Variants in PAK1 observed in about 807,000 individuals in gnomAD.
PAK1 encodes serine/threonine-protein kinase PAK 1.
PAK1 carries 29 observed loss-of-function variants against 67.4 expected under a neutral mutation model. The observed-to-expected ratio is 0.43, with a 90% CI of 0.32 to 0.59. PAK1 has a LOEUF of 0.59. PAK1 is among the 20% of genes least tolerant of loss of function. The probability of loss-of-function intolerance (pLI) is 0.07; values close to 1 mark genes in which losing one functional copy is unlikely to be tolerated. For missense variants in PAK1, 337 were observed against 670.7 expected, an observed-to-expected ratio of 0.50 and a Z score of 5.50; for synonymous variants, 223 against 237.4, an observed-to-expected ratio of 0.94 and a Z score of 0.56.
intron 1 of PAK1, among the ~76,000 whole-genome samples, chr11:77,392,810 T>C (rs888242971): frequency 2.6e-5 from 4 of 152,216 alleles, no homozygotes; most frequent in Non-Finnish European, 5.9e-5. Flanking sequence ...TATGATGTAG[T>C]TGAAAGCAGA....
At chr11:77,342,873 C>T (rs1463697650) in intron 10 of PAK1, among the ~76,000 whole-genome samples, 3 of 113,990 alleles carry the variant, frequency 2.6e-5, no homozygotes, top group Non-Finnish European at 5.2e-5. Context: ...GAACCCTGGG[C>T]AAGAAGCTTA....
At chr11:77,440,063 G>T (rs1956287910) in intron 1 of PAK1, among the ~76,000 whole-genome samples, 3 of 152,194 alleles carry the variant, frequency 2.0e-5, no homozygotes, top group East Asian at 1.9e-4. Flanking sequence ...CACAGGTAAC[G>T]TTGGACCATT....
chr11:77,522,072 G>C, the PAK1 span, among the ~76,000 whole-genome samples: 1 of 152,104 alleles, frequency 6.6e-6, no homozygotes, highest in Admixed American at 6.6e-5. Flanking sequence ...TCTTATACTT[G>C]GTCAGATTAT....
chr11:77,456,537 A>C (rs1957084879), intron 1 of PAK1, among the ~76,000 whole-genome samples: 1 of 152,206 alleles, frequency 6.6e-6, no homozygotes, highest in Non-Finnish European at 1.5e-5. Flanking sequence ...TTGAAGAATT[A>C]GGAACAAAGG....
chr11:77,349,316 G>T (rs1565600699), intron 8 of PAK1, 29 bp from the exon 9 acceptor site: 6 of 1,562,578 alleles, frequency 3.8e-6, no homozygotes, highest in Non-Finnish European at 5.2e-6. Flanking sequence ...GAGAAAGAGG[G>T]AAAAAAACAC....
the PAK1 span, among the ~76,000 whole-genome samples, chr11:77,493,022 C>T: frequency 7.0e-4 from 106 of 152,206 alleles, no homozygotes; most frequent in Non-Finnish European, 1.2e-3. Context: ...TTATAAATTA[C>T]CCAGTCTCAG....
chr11:77,378,702 C>T (rs541318714), intron 4 of PAK1, among the ~76,000 whole-genome samples: 16 of 152,286 alleles, frequency 1.1e-4, no homozygotes, highest in Admixed American at 6.5e-4. Context: ...ATCCCTTCTC[C>T]TCAGCTTCCC....
chr11:77,374,310 G>A lies in PAK1; in HGVS notation c.477+18C>T, dbSNP rs1251533276. The A allele has an allele frequency of 6.5e-7, 1 of 1,529,584 alleles. No individual in the cohort carries two copies. The allele number at this position is 1,529,584 out of a possible 1,614,324, so 94.8% of individuals were successfully genotyped here. On this transcript the variant is annotated intron_variant, in intron 5 of 14. Transcript: ENST00000356341. ...CTCCACATCTGCCCACATCAAAATA[G>A]AGTAAATAAAGACTTACCAAGGCAT...
the PAK1 span, among the ~76,000 whole-genome samples, chr11:77,506,516 C>A: frequency 6.6e-6 from 1 of 152,166 alleles, no homozygotes; most frequent in African/African-American, 2.4e-5. Context: ...AGGCAGAAAG[C>A]AGCCAGTTCC....
chr11:77,338,477 A>T (rs1006859925), intron 11 of PAK1, among the ~76,000 whole-genome samples: 2 of 152,156 alleles, frequency 1.3e-5, no homozygotes, highest in African/African-American at 4.8e-5. Context: ...AAAAAGAATT[A>T]TCTTGAGAAA....
chr11:77,405,517 TAG>T (rs962482130), intron 1 of PAK1, among the ~76,000 whole-genome samples: 1 of 151,522 alleles, frequency 6.6e-6, no homozygotes, highest in African/African-American at 2.4e-5. Context: ...ATTTTGAAGG[TAG>T]AGTCAAATGA....
intron 1 of PAK1, among the ~76,000 whole-genome samples, chr11:77,451,767 T>G (rs1406944037): frequency 6.7e-6 from 1 of 150,058 alleles, no homozygotes; most frequent in African/African-American, 2.5e-5. Flanking sequence ...CCCGGCTAAT[T>G]TTTTGTATTT....
chr11:77,428,230 T>C (rs191653362), intron 1 of PAK1, among the ~76,000 whole-genome samples: 44 of 152,202 alleles, frequency 2.9e-4, no homozygotes, highest in South Asian at 1.2e-3. Flanking sequence ...TATAAGAAGA[T>C]TGAAAGCAAG....
intron 1 of PAK1, among the ~76,000 whole-genome samples, chr11:77,403,209 A>G (rs1280356608): frequency 1.3e-5 from 2 of 152,144 alleles, no homozygotes; most frequent in African/African-American, 4.8e-5. Context: ...AGTAGCTTCC[A>G]CTGGCTGCTA....
chr11:77,502,814 A>G, the PAK1 span, among the ~76,000 whole-genome samples: 1 of 152,190 alleles, frequency 6.6e-6, no homozygotes, highest in African/African-American at 2.4e-5. Flanking sequence ...TAAGGACTGT[A>G]TGAAAAGAAT....
upstream of PAK1, among the ~76,000 whole-genome samples, chr11:77,478,272 A>G (rs1162034538): frequency 1.3e-5 from 2 of 151,992 alleles, no homozygotes; most frequent in African/African-American, 4.8e-5. Flanking sequence ...GTTGTATTTC[A>G]CTTTATAAGA....
rs187773516 is a variant in PAK1 at position 77,389,906 on chromosome 11, G to C, written c.190+2425C>G. ...CTTATTACCTTTCTAGTTTGAGTCA[G>C]CAAGAACAATTTAAACTTTTTAATT... On this transcript the variant is annotated intron_variant, in intron 2 of 14. Transcript: ENST00000356341. 8.4e-3 allele frequency among the ~76,000 whole-genome samples: 1,284 copies of C among 152,260 alleles called. 26 individuals carry two copies. The highest frequency in any genetic ancestry group is 0.029 in the African/African-American group (1,224 of 41,554).
intron 1 of PAK1, among the ~76,000 whole-genome samples, chr11:77,468,345 T>TA (rs1164289695): frequency 6.6e-6 from 1 of 152,174 alleles, no homozygotes; most frequent in Non-Finnish European, 1.5e-5. Flanking sequence ...TTTCTAGACT[T>TA]ACTACTACAC....
the PAK1 span, among the ~76,000 whole-genome samples, chr11:77,487,390 T>C: frequency 1.3e-5 from 2 of 151,676 alleles, no homozygotes; most frequent in Non-Finnish European, 2.9e-5. Context: ...TTCCCAGCTA[T>C]GGTAGCCACA....
Sources: allele counts gnomAD v4.1 joint callset (sites outside exome capture counted in the v4.1 genomes callset), GRCh38; gene constraint gnomAD v4.1.1; transcripts MANE v1.5; gene names NCBI Gene and HGNC (gene_info 2026-07-23, HGNC 2026-07-21).